The following KDM4C variants were observed in gnomAD, a reference collection of about 807,000 sequenced individuals.
KDM4C encodes the protein lysine demethylase 4C, also known as lysine-specific demethylase 4C.
KDM4C carries 81 observed loss-of-function variants against 129.3 expected under a neutral mutation model. The observed-to-expected ratio is 0.63, with a 90% CI of 0.52 to 0.75. The LOEUF (loss-of-function observed/expected upper bound fraction) is 0.75, where lower values mean the gene tolerates loss of function less well. Among genes scored for constraint, KDM4C ranks in the 30% least tolerant of loss-of-function variants. The pLI is 0.00. For synonymous variants in KDM4C, 573 were observed against 456.1 expected (o/e 1.26, Z -3.26); for missense variants, 1,457 against 1,304.0 (o/e 1.12, Z -1.81).
At chr9:7,050,519 A>G (rs1830015726) in intron 17 of KDM4C, among the ~76,000 whole-genome samples, 1 of 151,496 alleles carries the variant, frequency 6.6e-6, no homozygotes, top group African/African-American at 2.4e-5. Flanking sequence ...ATCCAAAAAA[A>G]AGTTGAACTA....
At chr9:6,875,347 A>G (rs1373300944) in intron 5 of KDM4C, among the ~76,000 whole-genome samples, 2 of 152,132 alleles carry the variant, frequency 1.3e-5, no homozygotes, top group African/African-American at 4.8e-5. Flanking sequence ...GGACACCTGC[A>G]TGTGAGATTG....
intron 8 of KDM4C, among the ~76,000 whole-genome samples, chr9:6,895,031 GT>G (rs570118986): frequency 3.2e-4 from 48 of 152,266 alleles, no homozygotes; most frequent in African/African-American, 1.1e-3. Flanking sequence ...CTACAATGCA[GT>G]TTTGGCCAGC....
intron 5 of KDM4C, among the ~76,000 whole-genome samples, chr9:6,864,597 T>C (rs1341415920): frequency 6.6e-6 from 1 of 152,034 alleles, no homozygotes; most frequent in Admixed American, 6.5e-5. Context: ...CAGCCCTCCA[T>C]AGCTGGGATT....
chr9:6,893,478 G>A lies in KDM4C; in HGVS notation c.921+246G>A. ...ACCCTGATAGGTAATTTGATGCGAC[G>A]TGTGTTTGCTTTTTATCTTGAGGCC... is the stretch of plus-strand genomic sequence containing the variant. On this transcript the variant is annotated intron_variant, in intron 8 of 21. Coordinates refer to ENST00000381309, the MANE Select transcript of KDM4C (RefSeq NM_015061.6). The A allele has an allele frequency of 1.7e-5, 5 of 298,954 alleles. No homozygotes were observed. The East Asian group carries it at 1.8e-4, about 11-fold the overall frequency. The allele number at this position is 298,954 out of a possible 1,614,324, so 18.5% of individuals were successfully genotyped here. A position where few individuals can be genotyped will look rare whatever the true frequency, so the allele number is the denominator to read the frequency against.
intron 8 of KDM4C, among the ~76,000 whole-genome samples, chr9:6,922,172 A>C (rs184074590): frequency 3.3e-5 from 5 of 152,158 alleles, no homozygotes; most frequent in Admixed American, 6.5e-5. Flanking sequence ...TAACTTACAC[A>C]GTTTAGCCCA....
intron 18 of KDM4C, chr9:7,105,463 C>T (rs1837576153): frequency 8.5e-6 from 4 of 470,896 alleles, no homozygotes; most frequent in African/African-American, 2.0e-5. Context: ...ACTTCTGCTG[C>T]TGCTGCTGGT....
At chr9:6,762,442 G>C (rs954259101) in intron 1 of KDM4C, among the ~76,000 whole-genome samples, 1 of 151,962 alleles carries the variant, frequency 6.6e-6, no homozygotes, top group African/African-American at 2.4e-5. Flanking sequence ...ACAGTTCTGG[G>C]ATTACAGGTG....
intron 18 of KDM4C, among the ~76,000 whole-genome samples, chr9:7,121,937 C>T (rs570334900): frequency 1.3e-5 from 2 of 152,140 alleles, no homozygotes; most frequent in East Asian, 3.9e-4. Flanking sequence ...TATTTCTTCA[C>T]TCATTTTTTC....
At chr9:6,780,717 G>A (rs569707552) in intron 1 of KDM4C, among the ~76,000 whole-genome samples, 2 of 123,268 alleles carry the variant, frequency 1.6e-5, no homozygotes, top group Non-Finnish European at 3.2e-5. Flanking sequence ...GCAGTGAGCC[G>A]AGATTCCGCC....
At chr9:6,891,462 C>T (rs1045154845) in intron 7 of KDM4C, among the ~76,000 whole-genome samples, 2 of 152,110 alleles carry the variant, frequency 1.3e-5, no homozygotes, top group Non-Finnish European at 2.9e-5. Flanking sequence ...TATAACAAAT[C>T]TGTAGAGACA....
At chr9:7,155,180 C>T (rs1476075768) in intron 19 of KDM4C, among the ~76,000 whole-genome samples, 1 of 152,152 alleles carries the variant, frequency 6.6e-6, no homozygotes, top group Non-Finnish European at 1.5e-5. Flanking sequence ...GTTGGGAACA[C>T]GCTTTGAGAA....
At chr9:7,154,124 GC>G (rs751788333) in intron 19 of KDM4C, among the ~76,000 whole-genome samples, 14 of 152,314 alleles carry the variant, frequency 9.2e-5, no homozygotes, top group Non-Finnish European at 1.8e-4. Context: ...GTGATGTCAG[GC>G]CAGCTCAGCC....
intron 12 of KDM4C, among the ~76,000 whole-genome samples, chr9:7,005,685 A>C (rs1234361795): frequency 6.6e-6 from 1 of 152,172 alleles, no homozygotes; most frequent in East Asian, 1.9e-4. Flanking sequence ...GGAGGCCTAG[A>C]GGGGAAGGAT....
chr9:7,047,539 G>A (rs1193498059), intron 16 of KDM4C, among the ~76,000 whole-genome samples: 1 of 151,784 alleles, frequency 6.6e-6, no homozygotes, highest in Non-Finnish European at 1.5e-5. Flanking sequence ...TCATGACCAG[G>A]TTTTAATATT....
intron 19 of KDM4C, among the ~76,000 whole-genome samples, chr9:7,155,619 G>T (rs1843088118): frequency 6.6e-6 from 1 of 152,042 alleles, no homozygotes; most frequent in African/African-American, 2.4e-5. Context: ...TTGGGTTTCT[G>T]TCCTTGCGAT....
intron 17 of KDM4C, among the ~76,000 whole-genome samples, chr9:7,059,418 G>T (rs1219962016): frequency 6.6e-6 from 1 of 152,148 alleles, no homozygotes; most frequent in Non-Finnish European, 1.5e-5. Context: ...GAGTATTTTC[G>T]AAATGATGAA....
chr9:6,925,174 C>T (rs1388861849), intron 8 of KDM4C: 34 of 985,226 alleles, frequency 3.5e-5, no homozygotes, highest in East Asian at 1.1e-4. Context: ...TATCATCGTG[C>T]GTAAACATCC....
intron 8 of KDM4C, among the ~76,000 whole-genome samples, chr9:6,973,604 A>G (rs977057547): frequency 1.3e-5 from 2 of 152,218 alleles, no homozygotes; most frequent in Non-Finnish European, 2.9e-5. Flanking sequence ...ATGGTAACCT[A>G]GAATTTATTT....
chr9:6,932,082 T>G lies in KDM4C; in HGVS notation c.921+38850T>G, dbSNP rs1013221849. Among the ~76,000 whole-genome samples the G allele has an allele frequency of 2.6e-5, 4 of 152,160 alleles. No individual in the cohort carries two copies. In the East Asian group the frequency reaches 7.7e-4, roughly 29 times the overall value. On this transcript the variant is annotated intron_variant, in intron 8 of 21. Transcript: ENST00000381309. ...TCACTTGTTATCTGCAGAGTACAAATGCTATGAGAGGCCTTGGTGTTTGGG... is the reference window on the plus strand; with the variant it reads ...TCACTTGTTATCTGCAGAGTACAAAGGCTATGAGAGGCCTTGGTGTTTGGG...
Sources: allele counts gnomAD v4.1 joint callset (sites outside exome capture counted in the v4.1 genomes callset), GRCh38; gene constraint gnomAD v4.1.1; transcripts MANE v1.5; gene names NCBI Gene and HGNC (gene_info 2026-07-23, HGNC 2026-07-21).